The following BBS9 variants were observed in gnomAD, a reference collection of about 807,000 sequenced individuals.
The protein encoded by BBS9 is protein PTHB1.
In BBS9, 89 loss-of-function variants were observed where a neutral mutation model predicts 117.7. That is an observed-to-expected ratio of 0.76 (90% CI 0.64 to 0.90). The LOEUF is 0.90. Among genes scored for constraint, BBS9 ranks in the 40% least tolerant of loss-of-function variants. The probability of loss-of-function intolerance (pLI) is 0.00; values close to 1 mark genes in which losing one functional copy is unlikely to be tolerated. For synonymous variants in BBS9, 379 were observed against 370.9 expected (o/e 1.02, Z -0.25); for missense variants, 982 against 1,042.2 (o/e 0.94, Z 0.80).
In BBS9 at chr7:33,480,148, G is replaced by T. The variant is rs150146027; in HGVS notation, c.2116-25315G>T. 2.2e-3 allele frequency among the ~76,000 whole-genome samples: 330 copies of T among 152,286 alleles called. 1 individual carries two copies. The highest frequency in any genetic ancestry group is 7.4e-3 in the African/African-American group (308 of 41,566). ...AAGTCTCAATAAAGGTTTTAGGTAA[G>T]TGGAAACAACTTAGAGATATGAGGA... is the stretch of plus-strand genomic sequence containing the variant. On this transcript the variant is annotated intron_variant, in intron 19 of 22. Transcript: ENST00000242067.
chr7:33,265,165 A>G (rs1251576782), intron 7 of BBS9, among the ~76,000 whole-genome samples: 1 of 152,234 alleles, frequency 6.6e-6, no homozygotes, highest in African/African-American at 2.4e-5. Context: ...ATCTGAGGAT[A>G]CACAAGAAGG....
chr7:33,576,271 CAGAG>C (rs1263964248), intron 21 of BBS9, among the ~76,000 whole-genome samples: 6 of 152,110 alleles, frequency 3.9e-5, no homozygotes, highest in Non-Finnish European at 8.8e-5. Flanking sequence ...AACAGACAAA[CAGAG>C]AGCCAAATCA....
intron 19 of BBS9, among the ~76,000 whole-genome samples, chr7:33,459,386 T>C (rs114837953): frequency 0.014 from 2,084 of 151,808 alleles, 56 homozygotes; most frequent in African/African-American, 0.048. Flanking sequence ...CATTGGCATC[T>C]AGTAAGTAGA....
At chr7:33,260,307 A>T (rs6462467) in intron 6 of BBS9, among the ~76,000 whole-genome samples, 120,233 of 152,196 alleles carry the variant, frequency 0.79, 47,615 homozygotes, top group Admixed American at 0.84. Context: ...CGGCCTAGAT[A>T]TTTTATTATT....
chr7:33,191,822 A>G (rs1784164821), intron 5 of BBS9, among the ~76,000 whole-genome samples: 1 of 152,214 alleles, frequency 6.6e-6, no homozygotes, highest in South Asian at 2.1e-4. Flanking sequence ...GAAACTTGAA[A>G]TAATGTAAGT....
chr7:33,433,623 A>G (rs983767657), intron 19 of BBS9, among the ~76,000 whole-genome samples: 5 of 152,268 alleles, frequency 3.3e-5, no homozygotes, highest in Admixed American at 6.5e-5. Flanking sequence ...GAGAGACACA[A>G]TTATGTCAAG....
chr7:33,209,350 G>A (rs1026169164), intron 5 of BBS9, among the ~76,000 whole-genome samples: 2 of 152,088 alleles, frequency 1.3e-5, no homozygotes, highest in African/African-American at 4.8e-5. Context: ...GTCTGTTGAT[G>A]GAAGCTTAGG....
At chr7:33,407,007 C>G (rs1481238766) in intron 19 of BBS9, among the ~76,000 whole-genome samples, 2 of 133,350 alleles carry the variant, frequency 1.5e-5, no homozygotes, top group Non-Finnish European at 1.6e-5. Flanking sequence ...GGAAGTTCTC[C>G]TGGATAATAT....
chr7:33,172,455 C>G (rs907004412), intron 4 of BBS9, among the ~76,000 whole-genome samples: 8 of 152,030 alleles, frequency 5.3e-5, no homozygotes, highest in African/African-American at 1.9e-4. Flanking sequence ...ATGCAGACCC[C>G]CAAATCCAGA....
chr7:33,425,636 C>T (rs1044162375), intron 19 of BBS9, among the ~76,000 whole-genome samples: 1 of 152,122 alleles, frequency 6.6e-6, no homozygotes, highest in African/African-American at 2.4e-5. Flanking sequence ...CAGCAGCTTG[C>T]GTGTCTGGTC....
chr7:33,132,022 A>G (rs988647277), intron 1 of BBS9, among the ~76,000 whole-genome samples: 1 of 152,232 alleles, frequency 6.6e-6, no homozygotes, highest in Admixed American at 6.5e-5. Flanking sequence ...ATTAGAAACT[A>G]ATCTGTTATG....
chr7:33,516,793 T>A (rs1386710225), intron 20 of BBS9, among the ~76,000 whole-genome samples: 1 of 152,216 alleles, frequency 6.6e-6, no homozygotes, highest in African/African-American at 2.4e-5. Flanking sequence ...CATTTTAAAT[T>A]TGGTCTATTG....
chr7:33,401,551 GA>G, intron 19 of BBS9, among the ~76,000 whole-genome samples: 1 of 151,514 alleles, frequency 6.6e-6, no homozygotes, highest in South Asian at 2.1e-4. Context: ...GGGACAACTT[GA>G]AGGGGTGGGG....
chr7:33,242,341 G>A (rs921863835), intron 5 of BBS9, among the ~76,000 whole-genome samples: 1 of 151,864 alleles, frequency 6.6e-6, no homozygotes, highest in African/African-American at 2.4e-5. Flanking sequence ...TTTGTACTGG[G>A]GAGATAAAGT....
intron 18 of BBS9, among the ~76,000 whole-genome samples, chr7:33,386,854 A>G (rs1163312940): frequency 6.6e-6 from 1 of 151,964 alleles, no homozygotes; most frequent in Admixed American, 6.5e-5. Flanking sequence ...GTCATTTAGG[A>G]TTCTAATTCC....
At chr7:33,498,010 A>G (rs987322973) in intron 19 of BBS9, among the ~76,000 whole-genome samples, 7 of 152,198 alleles carry the variant, frequency 4.6e-5, no homozygotes, top group Non-Finnish European at 8.8e-5. Context: ...CAGGAGCCCA[A>G]CCAATTAGAA....
intron 9 of BBS9, 92 bp downstream of exon 9, chr7:33,274,048 A>T (rs1172844670): frequency 4.3e-6 from 6 of 1,391,640 alleles, no homozygotes; most frequent in Non-Finnish European, 6.1e-6. Flanking sequence ...TGATTTTATT[A>T]AAAAATTACA....
chr7:33,192,994 G>A (rs1256128443), intron 5 of BBS9, among the ~76,000 whole-genome samples: 1 of 152,138 alleles, frequency 6.6e-6, no homozygotes, highest in Admixed American at 6.5e-5. Flanking sequence ...TTTGGATGAC[G>A]TTCAGACCAT....
At chr7:33,194,308 C>T (rs1286508667) in intron 5 of BBS9, among the ~76,000 whole-genome samples, 1 of 152,096 alleles carries the variant, frequency 6.6e-6, no homozygotes, top group East Asian at 1.9e-4. Flanking sequence ...CCCTCCTTCT[C>T]CTTATGTGGA....
Sources: allele counts gnomAD v4.1 joint callset (sites outside exome capture counted in the v4.1 genomes callset), GRCh38; gene constraint gnomAD v4.1.1; transcripts MANE v1.5; gene names NCBI Gene and HGNC (gene_info 2026-07-23, HGNC 2026-07-21).